HHIP: variants seen among roughly 807,000 people sequenced by gnomAD.
The protein encoded by HHIP is hedgehog-interacting protein.
HHIP carries 12 observed loss-of-function variants against 74.0 expected under a neutral mutation model. That is an observed-to-expected ratio of 0.16 (90% confidence interval 0.10 to 0.26). The LOEUF (loss-of-function observed/expected upper bound fraction) is 0.26, where lower values mean the gene tolerates loss of function less well. HHIP is among the 10% of genes least tolerant of loss of function. The pLI, the probability that HHIP is intolerant of heterozygous loss-of-function variation, is 1.00. For missense variants in HHIP, 788 were observed against 845.0 expected, an observed-to-expected ratio of 0.93 and a Z score of 0.84; for synonymous variants, 309 against 311.6, an observed-to-expected ratio of 0.99 and a Z score of 0.09.
intron 1 of HHIP, among the ~76,000 whole-genome samples, chr4:144,647,685 A>G (rs1390793112): frequency 7.7e-6 from 1 of 129,366 alleles, no homozygotes; most frequent in Admixed American, 8.0e-5. Flanking sequence ...TCCTTGTGTT[A>G]ATAAGTTTAA....
At chr4:144,653,687 G>A (rs901920888) in intron 2 of HHIP, among the ~76,000 whole-genome samples, 24 of 152,038 alleles carry the variant, frequency 1.6e-4, no homozygotes, top group Admixed American at 8.5e-4. Context: ...ACCGTAGAAT[G>A]CACCAAGAGA....
At chr4:144,649,341 T>G (rs1280334732) in intron 1 of HHIP, among the ~76,000 whole-genome samples, 1 of 152,114 alleles carries the variant, frequency 6.6e-6, no homozygotes, top group African/African-American at 2.4e-5. Flanking sequence ...AGTAGCAAAC[T>G]AGGTAGGAAT....
At chr4:144,677,115 T>C (rs1729189051) in intron 4 of HHIP, among the ~76,000 whole-genome samples, 1 of 152,222 alleles carries the variant, frequency 6.6e-6, no homozygotes, top group Non-Finnish European at 1.5e-5. Context: ...TAGGTCTCTG[T>C]GCAACCAGTT....
intron 4 of HHIP, among the ~76,000 whole-genome samples, chr4:144,696,603 T>A (rs1217796879): frequency 3.9e-5 from 6 of 151,926 alleles, no homozygotes; most frequent in African/African-American, 1.2e-4. Context: ...TAGGGCACTG[T>A]AACATAATAG....
intron 4 of HHIP, among the ~76,000 whole-genome samples, chr4:144,703,163 G>A (rs138462081): frequency 0.015 from 2,230 of 151,148 alleles, 50 homozygotes; most frequent in African/African-American, 0.051. Flanking sequence ...GCAGTGAGCC[G>A]AGATTGCGCC....
chr4:144,665,799 A>T (rs980835091), intron 4 of HHIP, among the ~76,000 whole-genome samples: 3 of 152,228 alleles, frequency 2.0e-5, no homozygotes, highest in Non-Finnish European at 4.4e-5. Context: ...GGAGTGACAG[A>T]TGCCATGTTT....
chr4:144,721,272 T>TC, intron 11 of HHIP, among the ~76,000 whole-genome samples: 1 of 152,128 alleles, frequency 6.6e-6, no homozygotes, highest in East Asian at 1.9e-4. Flanking sequence ...TTCCTATTTT[T>TC]CCCTACATGT....
chr4:144,658,841 ATGG>A lies in HHIP; in HGVS notation c.528_530del (p.Gly177del), dbSNP rs754329464. The A allele has an allele frequency of 6.2e-7, 1 of 1,613,740 alleles. No individual in the cohort carries two copies. The highest frequency in any genetic ancestry group is 1.6e-4 in the Middle Eastern group (1 of 6,082). On this transcript the variant is annotated inframe_deletion, in exon 3 of 13. Coordinates refer to ENST00000296575, the MANE Select transcript of HHIP (RefSeq NM_022475.3). ...TTTTGCTTTTACTATGCAAGAAAAG[ATGG>A]TGGGTTGTGCTTTCCAGATTTTCCA...
rs975484059 is a variant in HHIP at position 144,738,015 on chromosome 4, T to TA, written c.*68dup. 0.043 allele frequency: 40,741 copies of TA among 951,992 alleles called. 11 individuals carry two copies. Among genetic ancestry groups the TA allele is most frequent in the South Asian group, 0.061 (2,810 of 46,066 alleles). 59.0% of individuals were successfully genotyped at this position (951,992 alleles called of 1,614,324 possible). A position where few individuals can be genotyped will look rare whatever the true frequency, so the allele number is the denominator to read the frequency against. On this transcript the variant is annotated 3_prime_UTR_variant, in exon 13 of 13. Coordinates refer to ENST00000296575, the MANE Select transcript of HHIP (RefSeq NM_022475.3). Reference sequence around the variant, plus strand: ...GGGCATTTATTTTTTATCCTGTCATTAAAAAAAAAAGACTGTTATCCTGCT... The same window carrying TA: ...GGGCATTTATTTTTTATCCTGTCATTAAAAAAAAAAAGACTGTTATCCTGCT...
chr4:144,658,159 T>C (rs1728601063), intron 2 of HHIP, among the ~76,000 whole-genome samples: 1 of 152,120 alleles, frequency 6.6e-6, no homozygotes, highest in Admixed American at 6.6e-5. Flanking sequence ...AGGTACAACA[T>C]ACAGTAACTA....
At chr4:144,724,588 C>A (rs113624128) in intron 11 of HHIP, among the ~76,000 whole-genome samples, 27 of 150,262 alleles carry the variant, frequency 1.8e-4, no homozygotes, top group African/African-American at 4.9e-4. Context: ...AGTTAACTAG[C>A]ATATCCATCG....
intron 10 of HHIP, among the ~76,000 whole-genome samples, chr4:144,717,272 T>C (rs1174914962): frequency 1.3e-5 from 2 of 152,200 alleles, no homozygotes; most frequent in African/African-American, 4.8e-5. Context: ...ATATTATTTT[T>C]TTAACTATAA....
At position 144,706,592 on chromosome 4, in the gene HHIP, A is replaced by G; in HGVS notation, c.893A>G (p.Lys298Arg). 6.2e-7 allele frequency: 1 copy of G among 1,613,440 alleles called. No individual in the cohort carries two copies. The highest frequency in any genetic ancestry group is 8.5e-7 in the Non-Finnish European group (1 of 1,179,670). ...AFHPNYKKNG[K>R]LYVSYTTNQE... is the part of the protein sequence containing the mutation. ...CATCCCAATTACAAGAAAAATGGAA[A>G]GTTGTATGTGTCCTATACCACCAAC... is the stretch of plus-strand genomic sequence containing the variant. The change falls in exon 5 of 13, where the codon AAG becomes AGG. Residue 298 changes from lysine to arginine, a missense_variant. By Grantham distance (26) the Lys-to-Arg change is conservative. Around this residue, in one of 3 missense-constraint regions of HHIP, gnomAD observed 373 missense variants for 366.4 expected, o/e 1.02. Coordinates refer to ENST00000296575, the MANE Select transcript of HHIP (RefSeq NM_022475.3).
intron 4 of HHIP, among the ~76,000 whole-genome samples, chr4:144,669,974 T>C (rs1728986745): frequency 1.2e-5 from 1 of 84,126 alleles, no homozygotes; most frequent in Non-Finnish European, 3.0e-5. Flanking sequence ...ACCCCGTCTC[T>C]ACTTAAAAAA....
In HHIP at chr4:144,716,348, CATAAG is replaced by C. The variant is rs1278978880; in HGVS notation, c.1678+924_1678+928del. ...GGACTCAGACAAGACTGTTGAAACACATAAGATAAGTTTCAGAGCCACAGGAATAT... is the reference window on the plus strand; with the variant it reads ...GGACTCAGACAAGACTGTTGAAACACATAAGTTTCAGAGCCACAGGAATAT... On this transcript the variant is annotated intron_variant, in intron 10 of 12. Transcript: ENST00000296575. 3.9e-5 allele frequency among the ~76,000 whole-genome samples: 6 copies of C among 152,030 alleles called. No individual in the cohort carries two copies. In the East Asian group the frequency reaches 9.7e-4, roughly 24 times the overall value.
chr4:144,681,287 G>C (rs1408289498), intron 4 of HHIP, among the ~76,000 whole-genome samples: 1 of 151,990 alleles, frequency 6.6e-6, no homozygotes, highest in Non-Finnish European at 1.5e-5. Flanking sequence ...AATATATAAA[G>C]ACTATGAATT....
At chr4:144,662,313 G>A (rs1728736971) in intron 4 of HHIP, among the ~76,000 whole-genome samples, 1 of 152,120 alleles carries the variant, frequency 6.6e-6, no homozygotes, top group Non-Finnish European at 1.5e-5. Context: ...CCAATCATAA[G>A]GGAACTTGGA....
chr4:144,720,635 C>T (rs1730604866), intron 11 of HHIP, among the ~76,000 whole-genome samples: 1 of 151,996 alleles, frequency 6.6e-6, no homozygotes, highest in Admixed American at 6.6e-5. Context: ...CCTGACTTCT[C>T]ATTATGGTGC....
intron 2 of HHIP, among the ~76,000 whole-genome samples, chr4:144,655,709 C>G (rs1728541858): frequency 1.3e-5 from 2 of 151,370 alleles, no homozygotes; most frequent in African/African-American, 4.9e-5. Context: ...CCACTTCTAT[C>G]AGAATATGTT....
Sources: gnomAD v4.1 joint callset for allele counts (sites outside exome capture counted in the v4.1 genomes callset) on GRCh38, gnomAD v4.1.1 for gene constraint, gnomAD v4.1.1 regional missense constraint, MANE v1.5 for transcripts, NCBI Gene and HGNC (gene_info 2026-07-23, HGNC 2026-07-21) for gene names.